The following WWC2 variants were observed in gnomAD, a reference collection of about 807,000 sequenced individuals.
WWC2 encodes the protein protein WWC2.
WWC2 carries 101 observed loss-of-function variants against 138.5 expected under a neutral mutation model. The ratio of observed to expected loss-of-function variants is 0.73; its 90% CI spans 0.62 to 0.86. The LOEUF is 0.86. Among genes scored for constraint, WWC2 ranks in the 40% least tolerant of loss-of-function variants. The pLI, the probability that WWC2 is intolerant of heterozygous loss-of-function variation, is 0.00. For missense variants in WWC2, 1,420 were observed against 1,419.4 expected (o/e 1.00, Z -0.01); for synonymous variants, 558 against 538.4 (o/e 1.04, Z -0.50).
chr4:183,293,824 G>A (rs1056719399), intron 21 of WWC2, among the ~76,000 whole-genome samples: 4 of 152,076 alleles, frequency 2.6e-5, no homozygotes, highest in African/African-American at 9.7e-5. Flanking sequence ...AATTACAACA[G>A]TATCAAAGAA....
chr4:183,150,103 G>A (rs892066750), intron 1 of WWC2, among the ~76,000 whole-genome samples: 1 of 152,150 alleles, frequency 6.6e-6, no homozygotes, highest in African/African-American at 2.4e-5. Context: ...TTGGTTCTTA[G>A]GTTGGACAGG....
intron 5 of WWC2, 116 bp downstream of exon 5, chr4:183,240,378 AGTT>A: frequency 1.3e-6 from 1 of 749,516 alleles, no homozygotes; most frequent in South Asian, 3.1e-5. Context: ...AAAGTAAAAA[AGTT>A]CAGAGCTCTA....
chr4:183,286,095 G>T, intron 20 of WWC2, 36 bp downstream of exon 20: 1 of 1,531,964 alleles, frequency 6.5e-7, no homozygotes, highest in South Asian at 1.2e-5. Context: ...ACTGTCCCTG[G>T]ACCAGTCCAG....
chr4:183,144,105 T>C (rs1027404695), intron 1 of WWC2, among the ~76,000 whole-genome samples: 3 of 152,266 alleles, frequency 2.0e-5, no homozygotes, highest in African/African-American at 7.2e-5. Flanking sequence ...GAAGCCTGTT[T>C]AAATGGGAAC....
Position 183,319,406 on chromosome 4 carries a change from A to T in WWC2, c.*3677A>T. 1 of 854,406 alleles carries T rather than the reference A, an allele frequency of 1.2e-6. No homozygotes were observed. The highest frequency in any genetic ancestry group is 1.8e-6 in the Non-Finnish European group (1 of 551,776). The allele number at this position is 854,406 out of a possible 1,614,324, so 52.9% of individuals were successfully genotyped here. A position where few individuals can be genotyped will look rare whatever the true frequency, so the allele number is the denominator to read the frequency against. ...GACTAGAAGATAAAAATGGTTTACC[A>T]GTCTTGGAAAGAAACTATAGTTTAA... On this transcript the variant is annotated 3_prime_UTR_variant, in exon 23 of 23. Coordinates refer to ENST00000403733, the MANE Select transcript of WWC2 (RefSeq NM_024949.6).
At chr4:183,216,271 T>C (rs1735751328) in intron 4 of WWC2, among the ~76,000 whole-genome samples, 1 of 152,202 alleles carries the variant, frequency 6.6e-6, no homozygotes. Flanking sequence ...CATAATACTC[T>C]CAGCTTCTAC....
chr4:183,107,281 C>T (rs1204282546), intron 1 of WWC2, among the ~76,000 whole-genome samples: 1 of 152,130 alleles, frequency 6.6e-6, no homozygotes, highest in African/African-American at 2.4e-5. Flanking sequence ...CCCACCTCAG[C>T]CTCCTGAGTA....
intron 1 of WWC2, among the ~76,000 whole-genome samples, chr4:183,101,570 G>C (rs1253599784): frequency 1.3e-5 from 2 of 152,190 alleles, no homozygotes; most frequent in African/African-American, 4.8e-5. Context: ...ACTCTGTTGA[G>C]ATCAGAGTCA....
intron 1 of WWC2, among the ~76,000 whole-genome samples, chr4:183,121,371 T>A (rs532335957): frequency 6.6e-6 from 1 of 152,198 alleles, no homozygotes; most frequent in African/African-American, 2.4e-5. Flanking sequence ...TTTGGAATAT[T>A]TGCATTATAT....
chr4:183,115,006 T>C (rs1373802819), intron 1 of WWC2, among the ~76,000 whole-genome samples: 2 of 152,106 alleles, frequency 1.3e-5, no homozygotes, highest in Admixed American at 1.3e-4. Context: ...AGGTAGTTTT[T>C]TGATCTTCAC....
chr4:183,131,177 TC>T (rs1274801719), intron 1 of WWC2, among the ~76,000 whole-genome samples: 2 of 152,096 alleles, frequency 1.3e-5, no homozygotes, highest in African/African-American at 4.8e-5. Flanking sequence ...GAAAACAAAC[TC>T]CCGTGTAAAC....
chr4:183,217,533 T>C (rs1315929856), intron 4 of WWC2, among the ~76,000 whole-genome samples: 1 of 152,066 alleles, frequency 6.6e-6, no homozygotes, highest in Non-Finnish European at 1.5e-5. Flanking sequence ...AAACATGTTA[T>C]ACATATGCTC....
chr4:183,121,356 T>A (rs954263481), intron 1 of WWC2, among the ~76,000 whole-genome samples: 1 of 151,830 alleles, frequency 6.6e-6, no homozygotes, highest in Admixed American at 6.5e-5. Flanking sequence ...TTTTTTTTTT[T>A]AAATTTTGGA....
intron 1 of WWC2, among the ~76,000 whole-genome samples, chr4:183,113,676 G>A (rs541912997): frequency 2.0e-5 from 3 of 152,050 alleles, no homozygotes; most frequent in African/African-American, 7.2e-5. Flanking sequence ...AAATTTACAG[G>A]TGTGAGCCAC....
Position 183,319,561 on chromosome 4 carries a change from G to GT in WWC2, c.*3835dup. 6.8e-6 allele frequency: 11 copies of GT among 1,609,580 alleles called. No individual in the cohort carries two copies. The highest frequency in any genetic ancestry group is 9.3e-6 in the Non-Finnish European group (11 of 1,177,726). On this transcript the variant is annotated 3_prime_UTR_variant, in exon 23 of 23. Transcript: ENST00000403733. ...AGACGCTTGTCCTTTCTGGCTTAGT[G>GT]TTTCAGGTTGGTGTTTCTCGTCTCC...
chr4:183,151,943 TA>T (rs754586849), intron 1 of WWC2, among the ~76,000 whole-genome samples: 1 of 150,050 alleles, frequency 6.7e-6, no homozygotes, highest in East Asian at 1.9e-4. Context: ...CTAAACAATT[TA>T]AAAAATTACA....
At chr4:183,198,789 TAAAAAAAAAAAAAA>T (rs56182831) in intron 2 of WWC2, among the ~76,000 whole-genome samples, 3 of 72,344 alleles carry the variant, frequency 4.1e-5, no homozygotes, top group Non-Finnish European at 4.6e-5. Flanking sequence ...CTCGTCTCTT[TAAAAAAAAAAAAAA>T]AAAAAAAAAA....
At chr4:183,099,760 T>A (rs1320201575) in intron 1 of WWC2, 138 bp downstream of exon 1, 1 of 933,586 alleles carries the variant, frequency 1.1e-6, no homozygotes, top group African/African-American at 1.8e-5. Context: ...GGCTGGCTGC[T>A]CCGGCGGGGC....
chr4:183,176,305 G>A (rs1254276397), intron 1 of WWC2, among the ~76,000 whole-genome samples: 3 of 152,244 alleles, frequency 2.0e-5, no homozygotes, highest in Non-Finnish European at 2.9e-5. Flanking sequence ...GCTTAGGAAC[G>A]TTTCTTAGTT....
Sources: gnomAD v4.1 joint callset for allele counts (sites outside exome capture counted in the v4.1 genomes callset) on GRCh38, gnomAD v4.1.1 for gene constraint, MANE v1.5 for transcripts, NCBI Gene and HGNC (gene_info 2026-07-23, HGNC 2026-07-21) for gene names.